The following CPA6 variants were observed in gnomAD, a reference collection of about 807,000 sequenced individuals.
CPA6 encodes the protein carboxypeptidase A6.
Under a neutral mutation model 63.3 loss-of-function variants are expected in CPA6, and 58 were observed. The ratio of observed to expected loss-of-function variants is 0.92; its 90% CI spans 0.74 to 1.14. CPA6 has a LOEUF of 1.14. Ranked by LOEUF, CPA6 falls within the 50% of genes most tolerant of loss-of-function variation. CPA6 has a pLI of 0.00. For missense variants in CPA6, 565 were observed against 526.6 expected (o/e 1.07, Z -0.71); for synonymous variants, 185 against 179.0 (o/e 1.03, Z -0.27).
At chr8:67,483,880 G>A (rs1358159622) in intron 7 of CPA6, 22 bp from the exon 8 acceptor site, 1 of 1,581,392 alleles carries the variant, frequency 6.3e-7, no homozygotes, top group Admixed American at 1.7e-5. Flanking sequence ...TAAGAAAACA[G>A]GTGCTGAGAA....
At position 67,578,445 on chromosome 8, in the gene CPA6, T is replaced by C. The variant is rs540681814; in HGVS notation, c.192+45731A>G. Among the ~76,000 whole-genome samples the C allele has an allele frequency of 8.5e-5, 13 of 152,302 alleles. No individual in the cohort carries two copies. The South Asian group carries it at 2.5e-3, about 29-fold the overall frequency. ...TTGGTGATTTGGCTTGTCTTGGCTA[T>C]TGGTTTGAATTAATAGTGTATCTTA... On this transcript the variant is annotated intron_variant, in intron 2 of 10. Transcript: ENST00000297770.
chr8:67,743,440 C>A (rs1817949749), intron 1 of CPA6, among the ~76,000 whole-genome samples: 3 of 152,112 alleles, frequency 2.0e-5, no homozygotes, highest in East Asian at 1.9e-4. Context: ...AATGGGGTAT[C>A]TATCCCCTTA....
intron 1 of CPA6, among the ~76,000 whole-genome samples, chr8:67,702,206 T>A (rs1471360507): frequency 6.6e-6 from 1 of 152,000 alleles, no homozygotes; most frequent in Non-Finnish European, 1.5e-5. Flanking sequence ...ATGTTTGTTA[T>A]CTGTACCATG....
intron 2 of CPA6, among the ~76,000 whole-genome samples, chr8:67,524,650 G>C (rs1382769448): frequency 6.7e-6 from 1 of 149,734 alleles, no homozygotes; most frequent in Non-Finnish European, 1.5e-5. Context: ...CACATTCACA[G>C]GTCTTGAATG....
chr8:67,627,474 G>A (rs1815219267), intron 1 of CPA6, among the ~76,000 whole-genome samples: 1 of 152,126 alleles, frequency 6.6e-6, no homozygotes, highest in African/African-American at 2.4e-5. Flanking sequence ...CTGTTAGGTG[G>A]TAACATCAAC....
At chr8:67,436,620 T>C (rs576352364) in intron 8 of CPA6, among the ~76,000 whole-genome samples, 18 of 152,210 alleles carry the variant, frequency 1.2e-4, no homozygotes, top group African/African-American at 4.1e-4. Flanking sequence ...ATCTTGGGGA[T>C]TGGTTAGAGT....
Position 67,509,498 on chromosome 8 carries a change from A to C in CPA6, c.534+19T>G. On this transcript the variant is annotated intron_variant, in intron 5 of 10. Coordinates refer to ENST00000297770, the MANE Select transcript of CPA6 (RefSeq NM_020361.5). The stretch of plus-strand genomic sequence containing the variant: ...TTTGGTAAACATTATGTATTTACAC[A>C]GCAATTGCTTATTTTTACCTTTAAA... 1 of 1,093,380 alleles carries C rather than the reference A, an allele frequency of 9.1e-7. No homozygotes were observed. The highest frequency in any genetic ancestry group is 1.4e-6 in the Non-Finnish European group (1 of 721,160). 67.7% of individuals were successfully genotyped at this position (1,093,380 alleles called of 1,614,324 possible). A position where few individuals can be genotyped will look rare whatever the true frequency, so the allele number is the denominator to read the frequency against.
chr8:67,651,859 A>G (rs1422327239), intron 1 of CPA6, among the ~76,000 whole-genome samples: 1 of 152,058 alleles, frequency 6.6e-6, no homozygotes, highest in Non-Finnish European at 1.5e-5. Flanking sequence ...GTCATTTAGC[A>G]TTAGGTATAT....
intron 2 of CPA6, among the ~76,000 whole-genome samples, chr8:67,522,697 T>G (rs528377823): frequency 6.6e-5 from 10 of 152,346 alleles, no homozygotes; most frequent in African/African-American, 1.9e-4. Context: ...TCCCTGGGGC[T>G]TCACTGTTGC....
At chr8:67,584,733 T>A (rs1587597535) in intron 2 of CPA6, among the ~76,000 whole-genome samples, 1 of 152,232 alleles carries the variant, frequency 6.6e-6, no homozygotes. Context: ...GAAGGCTGAA[T>A]TGAGCTGACT....
chr8:67,612,567 C>T (rs963270598), intron 2 of CPA6, among the ~76,000 whole-genome samples: 7 of 152,174 alleles, frequency 4.6e-5, no homozygotes, highest in African/African-American at 1.7e-4. Context: ...TTTGAGAGAG[C>T]AGAAGAAACA....
intron 9 of CPA6, chr8:67,429,689 T>C (rs1292291580): frequency 6.6e-6 from 1 of 152,194 alleles, no homozygotes. Flanking sequence ...TAACATCTTC[T>C]CCAACGGTCT....
chr8:67,556,628 A>C (rs1157317433), intron 2 of CPA6, among the ~76,000 whole-genome samples: 1 of 152,176 alleles, frequency 6.6e-6, no homozygotes, highest in Non-Finnish European at 1.5e-5. Context: ...GCTTAGTTAC[A>C]CTGACACATA....
At chr8:67,432,746 G>A (rs73258699) in intron 9 of CPA6, among the ~76,000 whole-genome samples, 10,267 of 152,174 alleles carry the variant, frequency 0.067, 824 homozygotes, top group African/African-American at 0.19. Context: ...TTATAGGAGC[G>A]AGCCACTGTA....
intron 1 of CPA6, among the ~76,000 whole-genome samples, chr8:67,636,206 C>T (rs1815465836): frequency 6.6e-6 from 1 of 151,436 alleles, no homozygotes; most frequent in African/African-American, 2.5e-5. Flanking sequence ...ATTCTGCATG[C>T]CATGGGCAGC....
Position 67,434,183 on chromosome 8 carries a change from G to C in CPA6, c.896C>G (p.Ser299Cys). Residue 299 changes from serine (S) to cysteine (C), a missense_variant, in exon 9 of 11, where the codon TCT (serine) becomes TGT (cysteine). Transcript: ENST00000297770. ...DDTYCGPFPE[S>C]EPEVKAVANF... Reference sequence around the variant, plus strand: ...AGCTACAGCCTTCACTTCCGGCTCAGATTCTGGAAAAGGGCCACAGTATGT... The same window carrying C: ...AGCTACAGCCTTCACTTCCGGCTCACATTCTGGAAAAGGGCCACAGTATGT... The C allele has an allele frequency of 6.2e-7, 1 of 1,614,194 alleles. No individual in the cohort carries two copies. The highest frequency in any genetic ancestry group is 8.5e-7 in the Non-Finnish European group (1 of 1,180,036).
chr8:67,550,243 T>C (rs1167273035), intron 2 of CPA6, among the ~76,000 whole-genome samples: 1 of 152,190 alleles, frequency 6.6e-6, no homozygotes, highest in Non-Finnish European at 1.5e-5. Flanking sequence ...GTCATCTTTA[T>C]GTCCGTGAGT....
intron 8 of CPA6, among the ~76,000 whole-genome samples, chr8:67,465,698 T>C (rs1267546970): frequency 6.6e-6 from 1 of 152,168 alleles, no homozygotes; most frequent in Non-Finnish European, 1.5e-5. Context: ...TAAAAGCTTT[T>C]CCCATGTCTA....
chr8:67,551,723 C>G (rs1587550577), intron 2 of CPA6, among the ~76,000 whole-genome samples: 1 of 152,100 alleles, frequency 6.6e-6, no homozygotes, highest in Admixed American at 6.5e-5. Flanking sequence ...GTTCCTCTTG[C>G]ACAGAACTTT....
Sources: allele counts gnomAD v4.1 joint callset (sites outside exome capture counted in the v4.1 genomes callset), GRCh38; gene constraint gnomAD v4.1.1; transcripts MANE v1.5; gene names NCBI Gene and HGNC (gene_info 2026-07-23, HGNC 2026-07-21).